GLRA2: variants seen among roughly 807,000 people sequenced by gnomAD.
GLRA2 encodes glycine receptor alpha 2.
GLRA2 carries 11 observed loss-of-function variants against 31.6 expected under a neutral mutation model. The observed-to-expected ratio is 0.35, with a 90% confidence interval of 0.22 to 0.58. The LOEUF is 0.58. GLRA2 is among the 20% of genes least tolerant of loss of function. The pLI, the probability that GLRA2 is intolerant of heterozygous loss-of-function variation, is 0.84. For missense variants in GLRA2, 212 were observed against 351.8 expected, an observed-to-expected ratio of 0.60 and a Z score of 3.18; for synonymous variants, 132 against 134.0, an observed-to-expected ratio of 0.99 and a Z score of 0.10.
chrX:14,714,324 T>C (rs1436644356), intron 8 of GLRA2, among the ~76,000 whole-genome samples: 1 of 111,171 alleles, frequency 9.0e-6, no homozygotes, highest in Admixed American at 9.6e-5. Context: ...TGGCATCTAG[T>C]GGGTAAAGGC....
the GLRA2 span, among the ~76,000 whole-genome samples, chrX:14,489,099 TG>T: frequency 8.9e-6 from 1 of 112,303 alleles, no homozygotes; most frequent in Non-Finnish European, 1.9e-5. Flanking sequence ...TATTTTCAAA[TG>T]TCTGCAAGTG....
At chrX:14,611,835 C>T (rs2090400994) in intron 7 of GLRA2, among the ~76,000 whole-genome samples, 1 of 111,794 alleles carries the variant, frequency 8.9e-6, no homozygotes, top group African/African-American at 3.2e-5. Flanking sequence ...GCCATGTTCT[C>T]CCATGTGAGG....
chrX:14,715,053 T>C (rs1203217587), intron 8 of GLRA2, among the ~76,000 whole-genome samples: 1 of 112,659 alleles, frequency 8.9e-6, no homozygotes, highest in Non-Finnish European at 1.9e-5. Context: ...TTATTTTGAA[T>C]TGTAAACACA....
intron 2 of GLRA2, among the ~76,000 whole-genome samples, chrX:14,535,541 C>T (rs907603113): frequency 8.9e-6 from 1 of 112,372 alleles, no homozygotes; most frequent in Non-Finnish European, 1.9e-5. Flanking sequence ...TAAACAAAGT[C>T]ATGAGTCAGA....
chrX:14,464,120 C>T, the GLRA2 span, among the ~76,000 whole-genome samples: 1 of 112,290 alleles, frequency 8.9e-6, no homozygotes, highest in Non-Finnish European at 1.9e-5. Context: ...CAAATATTTT[C>T]TCCAATTCTG....
rs763337110 is a variant in GLRA2 at position 14,574,464 on chromosome X, G to A, written c.270+64G>A. On this transcript the variant is annotated intron_variant, in intron 3 of 8. Coordinates refer to ENST00000218075, the MANE Select transcript of GLRA2 (RefSeq NM_002063.4). ...CTCAATTATGCTGTGAACACAAACTGTCAAATTTTCTATTGTTCAACTTGC... is the reference window on the plus strand; with the variant it reads ...CTCAATTATGCTGTGAACACAAACTATCAAATTTTCTATTGTTCAACTTGC... The A allele has an allele frequency of 3.2e-5, 38 of 1,178,468 alleles. No individual in the cohort carries two copies. The South Asian group carries it at 6.8e-4, about 21-fold the overall frequency.
chrX:14,611,343 G>T (rs950774085), intron 7 of GLRA2, among the ~76,000 whole-genome samples: 5 of 112,879 alleles, frequency 4.4e-5, no homozygotes, highest in African/African-American at 6.4e-5. Context: ...TTATAGAAAA[G>T]ACAGAAAACA....
At chrX:14,483,491 A>C in the GLRA2 span, among the ~76,000 whole-genome samples, 1 of 112,077 alleles carries the variant, frequency 8.9e-6, no homozygotes, top group Non-Finnish European at 1.9e-5. Context: ...CACACTTAGA[A>C]CTGTATGATA....
the GLRA2 span, among the ~76,000 whole-genome samples, chrX:14,454,563 C>T: frequency 9.6e-6 from 1 of 104,053 alleles, no homozygotes; most frequent in Non-Finnish European, 1.9e-5. Flanking sequence ...AGTGTAAGCC[C>T]TCAAGGTAAA....
chrX:14,716,653 T>C (rs2091790444), intron 8 of GLRA2, among the ~76,000 whole-genome samples: 1 of 111,412 alleles, frequency 9.0e-6, no homozygotes, highest in African/African-American at 3.3e-5. Flanking sequence ...CTCTAGAGAA[T>C]AGGGCTACAG....
intron 7 of GLRA2, among the ~76,000 whole-genome samples, chrX:14,669,923 T>C (rs1271798227): frequency 8.9e-6 from 1 of 112,604 alleles, no homozygotes; most frequent in Non-Finnish European, 1.9e-5. Flanking sequence ...GAAAATGGGA[T>C]TTACTTTTCT....
the GLRA2 span, among the ~76,000 whole-genome samples, chrX:14,464,390 T>TC: frequency 9.9e-5 from 11 of 111,114 alleles, no homozygotes; most frequent in Non-Finnish European, 2.1e-4. Flanking sequence ...GTTTTATTCT[T>TC]CTGCATATGG....
chrX:14,550,267 T>C (rs761613530), intron 2 of GLRA2, among the ~76,000 whole-genome samples: 1 of 108,250 alleles, frequency 9.2e-6, no homozygotes, highest in East Asian at 2.9e-4. Flanking sequence ...GAGGTTTTTT[T>C]TTTTTTAAAA....
chrX:14,641,779 T>C (rs986278582), intron 7 of GLRA2, among the ~76,000 whole-genome samples: 7 of 112,008 alleles, frequency 6.2e-5, no homozygotes, highest in Admixed American at 1.9e-4. Flanking sequence ...ACTGGGTGGA[T>C]TGGGTCTGAA....
At chrX:14,696,805 G>A (rs2091453804) in intron 8 of GLRA2, among the ~76,000 whole-genome samples, 1 of 112,087 alleles carries the variant, frequency 8.9e-6, no homozygotes, top group African/African-American at 3.2e-5. Flanking sequence ...CCAGTTGGCA[G>A]TTACAATCCC....
chrX:14,452,158 A>G, the GLRA2 span, among the ~76,000 whole-genome samples: 1 of 111,644 alleles, frequency 9.0e-6, no homozygotes, highest in African/African-American at 3.3e-5. Flanking sequence ...CCTTGAATCT[A>G]AAGTCAAAGC....
chrX:14,521,212 G>T, the GLRA2 span, among the ~76,000 whole-genome samples: 1 of 112,228 alleles, frequency 8.9e-6, no homozygotes, highest in African/African-American at 3.2e-5. Context: ...ATTATTTGTG[G>T]GTGTGTCTGT....
chrX:14,531,057 A>G, intron 1 of GLRA2: 7 of 969,981 alleles, frequency 7.2e-6, no homozygotes, highest in Non-Finnish European at 9.4e-6. Flanking sequence ...ACCTCCTACT[A>G]TGATTAAGAA....
chrX:14,611,764 C>T (rs1196582183), intron 7 of GLRA2, among the ~76,000 whole-genome samples: 3 of 111,803 alleles, frequency 2.7e-5, no homozygotes, highest in Non-Finnish European at 5.6e-5. Flanking sequence ...ACACCTAGAA[C>T]AGTATGTGGC....
Sources: allele counts gnomAD v4.1 joint callset (sites outside exome capture counted in the v4.1 genomes callset), GRCh38; gene constraint gnomAD v4.1.1; transcripts MANE v1.5; gene names NCBI Gene and HGNC (gene_info 2026-07-23, HGNC 2026-07-21).